The following PCSK6 variants were observed in gnomAD, a reference collection of about 807,000 sequenced individuals.
PCSK6 encodes the protein paired basic amino acid cleaving enzyme 4.
Under a neutral mutation model 123.3 loss-of-function variants are expected in PCSK6, and 85 were observed. The observed-to-expected ratio is 0.69, with a 90% CI of 0.58 to 0.83. The LOEUF (loss-of-function observed/expected upper bound fraction) is 0.83. Ranked by LOEUF, PCSK6 falls within the 40% of genes least tolerant of loss-of-function variation. The pLI, the probability that PCSK6 is intolerant of heterozygous loss-of-function variation, is 0.00. For synonymous variants in PCSK6, 508 were observed against 516.0 expected (o/e 0.98, Z 0.21); for missense variants, 1,191 against 1,282.3 (o/e 0.93, Z 1.09).
At position 101,370,525 on chromosome 15, in the gene PCSK6, T is replaced by G; in HGVS notation, c.1533-2A>C. The G allele has an allele frequency of 1.4e-6, 2 of 1,472,566 alleles. No individual in the cohort carries two copies. 91.2% of individuals were successfully genotyped at this position (1,472,566 alleles called of 1,614,324 possible). A position where few individuals can be genotyped will look rare whatever the true frequency, so the allele number is the denominator to read the frequency against. On this transcript the variant is annotated splice_acceptor_variant, in intron 11 of 21. Coordinates refer to ENST00000611716, the MANE Select transcript of PCSK6 (RefSeq NM_002570.5). LOFTEE classifies it high-confidence loss of function. ...AGCACCTGCACTAAGGGGATGCTCC[T>G]GGGGGAGAAGGGAGGGCTCAGCACT... is the stretch of plus-strand genomic sequence containing the variant.
At chr15:101,430,509 TA>T (rs1555458850) in intron 4 of PCSK6, among the ~76,000 whole-genome samples, 2 of 152,284 alleles carry the variant, frequency 1.3e-5, no homozygotes, top group Non-Finnish European at 2.9e-5. Flanking sequence ...GTCCAAGGTT[TA>T]TCCACGTTTC....
chr15:101,370,253 G>T lies in PCSK6; in HGVS notation c.1721+82C>A. 4 of 1,189,446 alleles carry T rather than the reference G, an allele frequency of 3.4e-6. No individual in the cohort carries two copies. In the South Asian group the frequency reaches 6.6e-5, roughly 20 times the overall value. 73.7% of individuals were successfully genotyped at this position (1,189,446 alleles called of 1,614,324 possible). On this transcript the variant is annotated intron_variant, in intron 12 of 21. Coordinates refer to ENST00000611716, the MANE Select transcript of PCSK6 (RefSeq NM_002570.5). Reference sequence around the variant, plus strand: ...CCAGAGGGCCTTGCAGAGACACTGTGGGCCCAAGACTGGACAGAAGCTCTT... The same window carrying T: ...CCAGAGGGCCTTGCAGAGACACTGTTGGCCCAAGACTGGACAGAAGCTCTT...
intron 1 of PCSK6, among the ~76,000 whole-genome samples, chr15:101,459,929 G>A (rs191806849): frequency 8.5e-5 from 13 of 152,284 alleles, no homozygotes; most frequent in East Asian, 3.9e-4. Flanking sequence ...GAGTTCAGGC[G>A]TTACATCATC....
chr15:101,324,807 G>T (rs2040209681), intron 17 of PCSK6, 43 bp downstream of exon 17: 5 of 1,530,926 alleles, frequency 3.3e-6, no homozygotes, highest in Middle Eastern at 1.7e-4. Context: ...CAGAAAGTTG[G>T]GGCTGGCTCA....
rs2056393939 is a variant in PCSK6 at position 101,429,984 on chromosome 15, T to C, written c.734+3A>G. ...GCCGGGGAGATGAGGCGAGGTGACG[T>C]ACTTATTTTCATTGCTGGCATCATA... On this transcript the variant is annotated splice_donor_region_variant and intron_variant, in intron 5 of 21. Transcript: ENST00000611716. 6.2e-7 allele frequency: 1 copy of C among 1,611,408 alleles called. No individual in the cohort carries two copies.
At chr15:101,357,990 G>C (rs1229891845) in intron 13 of PCSK6, among the ~76,000 whole-genome samples, 1 of 152,194 alleles carries the variant, frequency 6.6e-6, no homozygotes, top group Non-Finnish European at 1.5e-5. Context: ...TGCACTCATG[G>C]AAGGGCCCAG....
chr15:101,348,297 G>A (rs1333426503), intron 13 of PCSK6, among the ~76,000 whole-genome samples: 4 of 152,250 alleles, frequency 2.6e-5, no homozygotes, highest in Non-Finnish European at 4.4e-5. Context: ...TCTCTTTACT[G>A]GGCAACAGGC....
chr15:101,463,944 AG>A (rs2057396790), intron 1 of PCSK6, among the ~76,000 whole-genome samples: 1 of 152,106 alleles, frequency 6.6e-6, no homozygotes. Flanking sequence ...TGGTAGCCCC[AG>A]GGTGTGATTT....
At chr15:101,431,223 T>C in intron 4 of PCSK6, 97 bp downstream of exon 4, 1 of 1,269,228 alleles carries the variant, frequency 7.9e-7, no homozygotes, top group Non-Finnish European at 1.1e-6. Context: ...TAATGGGGGC[T>C]GGGGGAGATC....
At chr15:101,417,191 T>A (rs1211109758) in intron 6 of PCSK6, among the ~76,000 whole-genome samples, 1 of 152,246 alleles carries the variant, frequency 6.6e-6, no homozygotes, top group Non-Finnish European at 1.5e-5. Flanking sequence ...CTCCTCATTT[T>A]TCTCTTGCCA....
Position 101,307,271 on chromosome 15 carries a change from A to G in PCSK6, c.2754T>C (p.Cys918=), listed in dbSNP as rs1383104682. The change falls in exon 21 of 22, where the codon TGT becomes TGC. Residue 918 remains cysteine, a synonymous_variant. Transcript: ENST00000611716. ...TCCCCAGCTGTGTGAAGCCCGTCTT[A>G]CACCTGCTACAGTTCCTGCTGGAGC... ...CAGSSRNCSR[C]KTGFTQLGTS... 6.2e-7 allele frequency: 1 copy of G among 1,613,674 alleles called. No homozygotes were observed. The highest frequency in any genetic ancestry group is 1.3e-5 in the African/African-American group (1 of 74,904).
Position 101,443,578 on chromosome 15 carries a change from G to A in PCSK6, c.380C>T (p.Thr127Ile). 6.2e-7 allele frequency: 1 copy of A among 1,613,376 alleles called. No individual in the cohort carries two copies. The highest frequency in any genetic ancestry group is 8.5e-7 in the Non-Finnish European group (1 of 1,179,332). Residue 127 changes from threonine (T) to isoleucine (I), a missense_variant, in exon 2 of 22, where the codon ACC becomes ATC. By Grantham distance (89) the Thr-to-Ile change is moderately conservative. Coordinates refer to ENST00000611716, the MANE Select transcript of PCSK6 (RefSeq NM_002570.5). Reference protein sequence around the residue: ...RSTLSSRGPHTFLRMDPQVKW... With the variant: ...RSTLSSRGPHIFLRMDPQVKW... ...TACCTGGGGGTCCATTCTGAGGAAG[G>A]TGTGAGGGCCTCTGCTACTCAAGGT...
At chr15:101,421,842 A>T (rs567445736) in intron 6 of PCSK6, among the ~76,000 whole-genome samples, 86 of 152,374 alleles carry the variant, frequency 5.6e-4, no homozygotes, top group African/African-American at 1.8e-3. Flanking sequence ...ACTCAGCAAT[A>T]GATAACTAAT....
At chr15:101,375,809 T>C (rs77306484) in intron 11 of PCSK6, among the ~76,000 whole-genome samples, 10,028 of 152,010 alleles carry the variant, frequency 0.066, 834 homozygotes, top group East Asian at 0.2. Flanking sequence ...CTGAGGTGGG[T>C]GAATCACTTG....
intron 1 of PCSK6, 64 bp downstream of exon 1, chr15:101,489,310 C>G (rs1318394921): frequency 4.1e-5 from 42 of 1,013,878 alleles, no homozygotes; most frequent in Non-Finnish European, 4.9e-5. Flanking sequence ...TGCGGAGGCG[C>G]CCCCCTCGCG....
At chr15:101,337,576 C>T (rs568311339) in intron 13 of PCSK6, 5 of 152,264 alleles carry the variant, frequency 3.3e-5, no homozygotes, top group Non-Finnish European at 7.4e-5. Flanking sequence ...ATGTGTATTT[C>T]TTGCATAGTT....
In PCSK6 at chr15:101,309,773, T is replaced by A. The variant is rs1596163703; in HGVS notation, c.2700-2448A>T. On this transcript the variant is annotated intron_variant, in intron 20 of 21. Coordinates refer to ENST00000611716, the MANE Select transcript of PCSK6 (RefSeq NM_002570.5). ...GGCAAGCACTCCACAGAGGCCTGTT[T>A]TTCTTCCAAGTTGTCCAGGCTGGCT... is the stretch of plus-strand genomic sequence containing the variant. Among the ~76,000 whole-genome samples, 3 of 152,216 alleles carry A rather than the reference T, an allele frequency of 2.0e-5. No individual in the cohort carries two copies. In the South Asian group the frequency reaches 6.2e-4, roughly 32 times the overall value.
chr15:101,351,296 A>G (rs7175124), intron 13 of PCSK6, among the ~76,000 whole-genome samples: 33,806 of 152,212 alleles, frequency 0.22, 3,949 homozygotes, highest in South Asian at 0.3. Context: ...TAACTTAAAA[A>G]TGTTTCATGT....
At chr15:101,367,838 T>A (rs908961254) in intron 12 of PCSK6, among the ~76,000 whole-genome samples, 1 of 152,120 alleles carries the variant, frequency 6.6e-6, no homozygotes, top group Non-Finnish European at 1.5e-5. Context: ...TTGTTTTTTG[T>A]TTTTGAGACA....
Sources: gnomAD v4.1 joint callset for allele counts (sites outside exome capture counted in the v4.1 genomes callset) on GRCh38, gnomAD v4.1.1 for gene constraint, MANE v1.5 for transcripts, NCBI Gene and HGNC (gene_info 2026-07-23, HGNC 2026-07-21) for gene names.